The following ASH1L variants were observed in gnomAD, a reference collection of about 807,000 sequenced individuals.
The protein encoded by ASH1L is histone-lysine N-methyltransferase ASH1L.
ASH1L carries 23 observed loss-of-function variants against 269.0 expected under a neutral mutation model. The ratio of observed to expected loss-of-function variants is 0.09; its 90% CI spans 0.06 to 0.12. The LOEUF is 0.12. ASH1L is among the 10% of genes least tolerant of loss of function. ASH1L has a pLI of 1.00. For synonymous variants in ASH1L, 1,187 were observed against 1,253.5 expected (o/e 0.95, Z 1.12); for missense variants, 2,912 against 3,567.8 (o/e 0.82, Z 4.68).
rs756301245 is a variant in ASH1L at position 155,347,774 on chromosome 1, C to A, written c.7685G>T (p.Ser2562Ile). 4.3e-6 allele frequency: 7 copies of A among 1,614,140 alleles called. No homozygotes were observed. The highest frequency in any genetic ancestry group is 1.3e-5 in the African/African-American group (1 of 74,946). ...IVGETASEAD[S>I]SETSVSEKEN... is the part of the protein sequence containing the mutation. ...CTTTTCAGAGACTGAGGTCTCACTG[C>A]TGTCTGCCTCACTTGCTGTCTCTCC... is the stretch of plus-strand genomic sequence containing the variant. The change falls in exon 20 of 28, where the codon AGC becomes ATC. Residue 2562 changes from serine to isoleucine, a missense_variant. By Grantham distance (142) the Ser-to-Ile change is moderately radical. Coordinates refer to ENST00000392403, the MANE Select transcript of ASH1L (RefSeq NM_018489.3).
At chr1:155,514,854 C>T (rs1191311068) in intron 2 of ASH1L, among the ~76,000 whole-genome samples, 1 of 152,026 alleles carries the variant, frequency 6.6e-6, no homozygotes, top group Non-Finnish European at 1.5e-5. Context: ...CCGAGGAACT[C>T]GGCAACTTCA....
At chr1:155,416,007 T>C (rs1558080433) in intron 5 of ASH1L, 84 bp from the exon 6 acceptor site, 2 of 1,109,762 alleles carry the variant, frequency 1.8e-6, no homozygotes, top group Non-Finnish European at 2.5e-6. Flanking sequence ...AAAAAAACCA[T>C]AGCAATTAAA....
intron 5 of ASH1L, among the ~76,000 whole-genome samples, chr1:155,423,316 C>T (rs558415894): frequency 3.3e-5 from 5 of 151,482 alleles, no homozygotes; most frequent in African/African-American, 1.2e-4. Flanking sequence ...CATGGTGGCT[C>T]ACACCTGTAA....
Position 155,341,974 on chromosome 1 carries a change from G to C in ASH1L, c.8422C>G (p.His2808Asp). The C allele has an allele frequency of 6.2e-7, 1 of 1,614,122 alleles. No individual in the cohort carries two copies. Among genetic ancestry groups the C allele is most frequent in the Non-Finnish European group, 8.5e-7 (1 of 1,180,016 alleles). Residue 2808 changes from histidine (H) to aspartate (D), a missense_variant, in exon 25 of 28, where the codon CAC becomes GAC. Physicochemically the swap from His to Asp is moderately conservative, Grantham distance 81. Coordinates refer to ENST00000392403, the MANE Select transcript of ASH1L (RefSeq NM_018489.3). ...PVCTKPYAFD[H>D]FPKKLTPKKD... ...TTGGGAGTGAGCTTCTTGGGGAAGT[G>C]ATCAAAAGCATAGGGTTTGGTGCAG...
chr1:155,390,636 C>A (rs935209260), intron 7 of ASH1L, among the ~76,000 whole-genome samples: 9 of 133,662 alleles, frequency 6.7e-5, no homozygotes, highest in East Asian at 5.3e-4. Flanking sequence ...TCATTCTCCC[C>A]CCCCCCCCTT....
At chr1:155,433,898 C>G in intron 5 of ASH1L, 41 of 1,598,484 alleles carry the variant, frequency 2.6e-5, no homozygotes, top group Non-Finnish European at 3.4e-5. Context: ...TATCGAGAAC[C>G]GAGTGAGAGG....
intron 10 of ASH1L, among the ~76,000 whole-genome samples, chr1:155,371,956 A>G (rs866600368): frequency 4.0e-5 from 6 of 151,814 alleles, no homozygotes; most frequent in Middle Eastern, 6.8e-3. Context: ...GGCCTCCCAA[A>G]GTGCTAGGAT....
At chr1:155,345,135 T>G (rs1417372666) in intron 21 of ASH1L, among the ~76,000 whole-genome samples, 1 of 151,530 alleles carries the variant, frequency 6.6e-6, no homozygotes, top group African/African-American at 2.4e-5. Flanking sequence ...TTTTGTATTT[T>G]TAGTAGAGAC....
chr1:155,343,246 G>T lies in ASH1L; in HGVS notation c.8293+68C>A. ...TCTGCCTGCCTCGGCCTCCCACACC[G>T]CTGGGATTATCAGCGTGAGCCACTG... is the stretch of plus-strand genomic sequence containing the variant. On this transcript the variant is annotated intron_variant, in intron 24 of 27. Transcript: ENST00000392403. This position sits in a 1 kb window ranked among gnomAD's most constrained non-coding sequence, Gnocchi z 6.1. 10 of 1,531,820 alleles carry T rather than the reference G, an allele frequency of 6.5e-6. No homozygotes were observed. Among genetic ancestry groups the T allele is most frequent in the Non-Finnish European group, 8.8e-6 (10 of 1,129,968 alleles). 94.9% of individuals were successfully genotyped at this position (1,531,820 alleles called of 1,614,324 possible). A position where few individuals can be genotyped will look rare whatever the true frequency, so the allele number is the denominator to read the frequency against.
chr1:155,493,349 C>G (rs77169812), intron 2 of ASH1L, among the ~76,000 whole-genome samples: 85 of 152,258 alleles, frequency 5.6e-4, no homozygotes, highest in South Asian at 2.1e-3. Context: ...TCTACAATAA[C>G]AAAGTAAATG....
chr1:155,487,681 G>A (rs926286137), intron 2 of ASH1L, among the ~76,000 whole-genome samples: 4 of 152,018 alleles, frequency 2.6e-5, no homozygotes, highest in African/African-American at 9.7e-5. Flanking sequence ...ACCGCACCTG[G>A]CAAACACATT....
At chr1:155,434,056 T>C (rs1382153341) in intron 5 of ASH1L, 15 of 1,592,444 alleles carry the variant, frequency 9.4e-6, no homozygotes, top group Non-Finnish European at 1.2e-5. Flanking sequence ...GCAGCGACTA[T>C]GCATAACGAG....
rs12729287 is a variant in ASH1L at position 155,384,491 on chromosome 1, G to T, written c.6104-4375C>A. Among the ~76,000 whole-genome samples the T allele has an allele frequency of 2.7e-3, 399 of 146,664 alleles. 2 individuals carry two copies. The highest frequency in any genetic ancestry group is 7.1e-3 in the African/African-American group (283 of 40,042). On this transcript the variant is annotated intron_variant, in intron 7 of 27. Coordinates refer to ENST00000392403, the MANE Select transcript of ASH1L (RefSeq NM_018489.3). ...TTTAAAATTGGTGTGGTTTTTTTTT[G>T]TTTTTTTTATTTTTTCTGAGATTCG...
intron 2 of ASH1L, among the ~76,000 whole-genome samples, chr1:155,516,805 A>G (rs1312552881): frequency 6.6e-6 from 1 of 152,100 alleles, no homozygotes; most frequent in African/African-American, 2.4e-5. Context: ...TTGTATTTCT[A>G]TATATTTACA....
intron 3 of ASH1L, among the ~76,000 whole-genome samples, chr1:155,477,482 T>TA (rs1256690457): frequency 9.8e-6 from 1 of 101,840 alleles, no homozygotes; most frequent in Non-Finnish European, 1.8e-5. Flanking sequence ...TAATATACAT[T>TA]AAAAATCCTT....
At chr1:155,495,597 C>T (rs1667093099) in intron 2 of ASH1L, among the ~76,000 whole-genome samples, 4 of 152,176 alleles carry the variant, frequency 2.6e-5, no homozygotes, top group South Asian at 4.1e-4. Flanking sequence ...TCAGTGAATG[C>T]TCAGTGACTG....
At chr1:155,536,016 GA>G (rs960243316) in intron 1 of ASH1L, among the ~76,000 whole-genome samples, 11 of 150,044 alleles carry the variant, frequency 7.3e-5, no homozygotes, top group African/African-American at 2.2e-4. Flanking sequence ...AAAAAAAAAA[GA>G]AAAAAATTTA....
At chr1:155,543,601 T>C (rs1216404450) in intron 1 of ASH1L, among the ~76,000 whole-genome samples, 1 of 151,628 alleles carries the variant, frequency 6.6e-6, no homozygotes, top group Admixed American at 6.6e-5. Flanking sequence ...TGGATATCCG[T>C]TGGCAGAAAA....
At chr1:155,363,955 A>G (rs1187039402) in intron 12 of ASH1L, among the ~76,000 whole-genome samples, 2 of 151,866 alleles carry the variant, frequency 1.3e-5, no homozygotes, top group Non-Finnish European at 2.9e-5. Context: ...CCTGGGCGAC[A>G]GAGCAAGACT....
Sources: allele counts gnomAD v4.1 joint callset (sites outside exome capture counted in the v4.1 genomes callset), GRCh38; gene constraint gnomAD v4.1.1; non-coding constraint Gnocchi (gnomAD v3.1); transcripts MANE v1.5; gene names NCBI Gene and HGNC (gene_info 2026-07-23, HGNC 2026-07-21).